RGS6: variants seen among roughly 807,000 people sequenced by gnomAD.
RGS6 encodes regulator of G-protein signaling 6.
Under a neutral mutation model 78.5 loss-of-function variants are expected in RGS6, and 30 were observed. That is an observed-to-expected ratio of 0.38 (90% confidence interval 0.29 to 0.52). The LOEUF (loss-of-function observed/expected upper bound fraction) is 0.52. RGS6 is among the 20% of genes least tolerant of loss of function. The probability of loss-of-function intolerance (pLI) is 0.85; values close to 1 mark genes in which losing one functional copy is unlikely to be tolerated. For synonymous variants in RGS6, 206 were observed against 206.0 expected, an observed-to-expected ratio of 1.00 and a Z score of 0.00; for missense variants, 495 against 609.7, an observed-to-expected ratio of 0.81 and a Z score of 1.98.
At chr14:72,402,946 G>A (rs2092598538) in intron 3 of RGS6, among the ~76,000 whole-genome samples, 1 of 151,790 alleles carries the variant, frequency 6.6e-6, no homozygotes, top group Admixed American at 6.6e-5. Flanking sequence ...ACAGGTGTGT[G>A]CCACCACACC....
At chr14:71,988,655 A>G (rs2094825172) in intron 2 of RGS6, among the ~76,000 whole-genome samples, 2 of 152,098 alleles carry the variant, frequency 1.3e-5, no homozygotes, top group East Asian at 1.9e-4. Flanking sequence ...CTGGCTTTTT[A>G]CAGAGAAGTT....
chr14:72,348,550 T>C (rs762219865), intron 2 of RGS6, among the ~76,000 whole-genome samples: 1 of 152,226 alleles, frequency 6.6e-6, no homozygotes, highest in Non-Finnish European at 1.5e-5. Flanking sequence ...TAGAGAGTAT[T>C]ACCCGATATT....
intron 2 of RGS6, among the ~76,000 whole-genome samples, chr14:72,235,439 T>C (rs2050764012): frequency 6.6e-6 from 1 of 152,270 alleles, no homozygotes; most frequent in Non-Finnish European, 1.5e-5. Context: ...TTCTCTGGCA[T>C]AATTGAAATA....
chr14:72,217,613 G>A (rs2045907276), intron 2 of RGS6, among the ~76,000 whole-genome samples: 1 of 152,170 alleles, frequency 6.6e-6, no homozygotes, highest in African/African-American at 2.4e-5. Flanking sequence ...ATGAGGAAAG[G>A]AAAAGTAAAT....
intron 10 of RGS6, among the ~76,000 whole-genome samples, chr14:72,475,198 G>GTT (rs1300877940): frequency 1.7e-5 from 2 of 120,194 alleles, no homozygotes; most frequent in African/African-American, 6.4e-5. Context: ...TCTTTTTTAT[G>GTT]GTTTTTTTTT....
chr14:72,347,600 G>A (rs1040992949), intron 2 of RGS6, among the ~76,000 whole-genome samples: 1 of 152,200 alleles, frequency 6.6e-6, no homozygotes. Context: ...TACCTCCTGT[G>A]AGAATTCAAT....
In RGS6 at chr14:71,991,357, C is replaced by G. The variant is rs558502547; in HGVS notation, c.84+26482C>G. ...TCCTTCCCTCTCTCCTCATCTTCCA[C>G]ATTCCTATCTGTGAGAGAGGATGAG... On this transcript the variant is annotated intron_variant, in intron 2 of 17. Transcript: ENST00000553525. 3.3e-5 allele frequency among the ~76,000 whole-genome samples: 5 copies of G among 152,322 alleles called. No individual in the cohort carries two copies. The East Asian group carries it at 9.6e-4, about 29-fold the overall frequency.
chr14:72,200,983 AAAAAG>A (rs1480478368), intron 2 of RGS6, among the ~76,000 whole-genome samples: 6 of 148,974 alleles, frequency 4.0e-5, no homozygotes, highest in African/African-American at 1.2e-4. Context: ...AAAAAAAAAA[AAAAAG>A]AAGAAGAAAA....
chr14:72,344,546 G>C (rs2077625489), intron 2 of RGS6, among the ~76,000 whole-genome samples: 1 of 152,096 alleles, frequency 6.6e-6, no homozygotes, highest in African/African-American at 2.4e-5. Flanking sequence ...AATATATTGA[G>C]TCCCACTGAA....
At chr14:72,364,849 A>G (rs1189850124) in intron 3 of RGS6, among the ~76,000 whole-genome samples, 1 of 152,214 alleles carries the variant, frequency 6.6e-6, no homozygotes, top group Non-Finnish European at 1.5e-5. Flanking sequence ...TGAGGAATGC[A>G]TGAGCATGTC....
chr14:72,432,775 GGTT>G (rs2094707198), intron 3 of RGS6, among the ~76,000 whole-genome samples: 1 of 152,066 alleles, frequency 6.6e-6, no homozygotes, highest in African/African-American at 2.4e-5. Flanking sequence ...CTACCCTTTT[GGTT>G]GTTGTTTATT....
At chr14:72,240,725 T>A (rs2052556088) in intron 2 of RGS6, among the ~76,000 whole-genome samples, 1 of 152,216 alleles carries the variant, frequency 6.6e-6, no homozygotes, top group African/African-American at 2.4e-5. Flanking sequence ...GAAAGGTATG[T>A]GATGGTCATT....
chr14:71,961,094 T>C (rs2093161439), intron 1 of RGS6, among the ~76,000 whole-genome samples: 1 of 152,106 alleles, frequency 6.6e-6, no homozygotes, highest in African/African-American at 2.4e-5. Context: ...GGTGGTGTGG[T>C]ATAGGAATTC....
intron 2 of RGS6, among the ~76,000 whole-genome samples, chr14:72,074,984 A>G (rs2094527814): frequency 6.6e-6 from 1 of 152,214 alleles, no homozygotes; most frequent in Non-Finnish European, 1.5e-5. Context: ...GCCTTTAAAA[A>G]GAAATATTTT....
At chr14:71,970,953 G>C (rs1443224189) in intron 2 of RGS6, among the ~76,000 whole-genome samples, 1 of 152,096 alleles carries the variant, frequency 6.6e-6, no homozygotes, top group African/African-American at 2.4e-5. Flanking sequence ...GAGGAGGAGA[G>C]AGAAGGTGTA....
intron 14 of RGS6, among the ~76,000 whole-genome samples, chr14:72,517,996 G>A (rs1371478084): frequency 6.6e-6 from 1 of 152,180 alleles, no homozygotes; most frequent in Non-Finnish European, 1.5e-5. Flanking sequence ...AGAGGCCAAG[G>A]TTGCTGCTAA....
intron 2 of RGS6, among the ~76,000 whole-genome samples, chr14:72,159,302 C>T (rs940600972): frequency 6.6e-6 from 1 of 152,098 alleles, no homozygotes; most frequent in Non-Finnish European, 1.5e-5. Context: ...AGGATTTTCC[C>T]CAGGAAGGAG....
intron 2 of RGS6, among the ~76,000 whole-genome samples, chr14:71,984,318 A>C (rs78074039): frequency 0.2 from 20,430 of 104,714 alleles, 1,764 homozygotes; most frequent in East Asian, 0.32. Context: ...AAAAAAAAAA[A>C]AAAACAAAGC....
chr14:72,463,247 C>T (rs1204768234), intron 6 of RGS6, among the ~76,000 whole-genome samples: 1 of 152,204 alleles, frequency 6.6e-6, no homozygotes, highest in African/African-American at 2.4e-5. Flanking sequence ...AAACCAATAT[C>T]TGAGCTTAAG....
Sources: allele counts gnomAD v4.1 joint callset (sites outside exome capture counted in the v4.1 genomes callset), GRCh38; gene constraint gnomAD v4.1.1; transcripts MANE v1.5; gene names NCBI Gene and HGNC (gene_info 2026-07-23, HGNC 2026-07-21).